MACF1: variants seen among roughly 807,000 people sequenced by gnomAD.
MACF1 encodes microtubule actin crosslinking factor 1.
In MACF1, 193 loss-of-function variants were observed where a neutral mutation model predicts 854.8. The observed-to-expected ratio is 0.23, with a 90% CI of 0.20 to 0.25. MACF1 has a LOEUF of 0.25. MACF1 is among the 10% of genes least tolerant of loss of function. The probability of loss-of-function intolerance (pLI) is 1.00; values close to 1 mark genes in which losing one functional copy is unlikely to be tolerated. For synonymous variants in MACF1, 3,185 were observed against 3,226.7 expected (o/e 0.99, Z 0.44); for missense variants, 7,722 against 8,929.1 (o/e 0.86, Z 5.45).
intron 58 of MACF1, among the ~76,000 whole-genome samples, chr1:39,405,528 G>A (rs1642663187): frequency 4.6e-5 from 7 of 152,200 alleles, no homozygotes; most frequent in Middle Eastern, 3.2e-3. Flanking sequence ...AGCAGACAAG[G>A]GCAGGATGCC....
chr1:39,459,184 C>G lies in MACF1; in HGVS notation c.21295C>G (p.Gln7099Glu), dbSNP rs1318868573. The G allele has an allele frequency of 6.2e-7, 1 of 1,614,162 alleles. No individual in the cohort carries two copies. The highest frequency in any genetic ancestry group is 2.2e-5 in the East Asian group (1 of 44,880). ...CAACCAGCTTTCTGCCCGCTGGCAGCAGGTGTGGCTGTTAGCACTGGAGCG... is the reference window on the plus strand; with the variant it reads ...CAACCAGCTTTCTGCCCGCTGGCAGGAGGTGTGGCTGTTAGCACTGGAGCG... ...RINQLSARWQ[Q>E]VWLLALERQR... The change falls in exon 91 of 101, where the codon CAG (glutamine) becomes GAG (glutamate). Residue 7099 changes from glutamine to glutamate, a missense_variant. Gln to Glu is a conservative substitution (Grantham distance 29). Transcript: ENST00000564288.
intron 26 of MACF1, among the ~76,000 whole-genome samples, chr1:39,313,594 ATTAT>A (rs986342461): frequency 7.2e-6 from 1 of 138,142 alleles, no homozygotes; most frequent in Non-Finnish European, 1.6e-5. Context: ...TTCTTCTTTC[ATTAT>A]TTATTTATGT....
intron 2 of MACF1, among the ~76,000 whole-genome samples, chr1:39,111,941 A>G (rs1190182320): frequency 1.3e-5 from 2 of 152,020 alleles, no homozygotes; most frequent in East Asian, 3.9e-4. Flanking sequence ...TGCACACCCA[A>G]CTATACCATC....
At chr1:39,472,633 T>C (rs932032023) in intron 97 of MACF1, among the ~76,000 whole-genome samples, 7 of 152,228 alleles carry the variant, frequency 4.6e-5, no homozygotes, top group Admixed American at 2.0e-4. Context: ...AATGCAAATA[T>C]CCATGGGAGT....
intron 2 of MACF1, chr1:39,154,078 G>A (rs1177423469): frequency 2.0e-5 from 3 of 152,202 alleles, no homozygotes; most frequent in Non-Finnish European, 4.4e-5. Flanking sequence ...TTTATATGAG[G>A]AGAGTTACCT....
intron 84 of MACF1, 106 bp from the exon 85 acceptor site, chr1:39,450,946 A>T: frequency 8.0e-7 from 1 of 1,243,600 alleles, no homozygotes; most frequent in East Asian, 2.4e-5. Flanking sequence ...CATAGAAGTC[A>T]CTCTCTATAT....
rs1238478449 is a variant in MACF1 at position 39,460,306 on chromosome 1, G to T, written c.21361-326G>T. Among the ~76,000 whole-genome samples, 1 of 152,154 alleles carries T rather than the reference G, an allele frequency of 6.6e-6. No homozygotes were observed. The highest frequency in any genetic ancestry group is 1.5e-5 in the Non-Finnish European group (1 of 68,022). ...CTTCTGGGTTAGAATCCATTTCCTT[G>T]CATCTAAGAGAGTGATCCTTTGAAA... is the stretch of plus-strand genomic sequence containing the variant. On this transcript the variant is annotated intron_variant, in intron 91 of 100. Transcript: ENST00000564288. This position sits in a 1 kb window ranked among gnomAD's most constrained non-coding sequence, Gnocchi z 4.1.
At chr1:39,263,491 A>T (rs1433289302) in intron 6 of MACF1, among the ~76,000 whole-genome samples, 1 of 152,194 alleles carries the variant, frequency 6.6e-6, no homozygotes, top group Non-Finnish European at 1.5e-5. Flanking sequence ...TGCCTTCAGA[A>T]TTTAACAGGT....
intron 6 of MACF1, among the ~76,000 whole-genome samples, chr1:39,259,463 T>C (rs1346776922): frequency 1.3e-5 from 2 of 152,150 alleles, no homozygotes; most frequent in African/African-American, 4.8e-5. Context: ...AGTTTCACCA[T>C]GTTGGCCAGG....
At chr1:39,294,282 T>A (rs1420611130) in intron 18 of MACF1, among the ~76,000 whole-genome samples, 5 of 152,238 alleles carry the variant, frequency 3.3e-5, no homozygotes, top group Non-Finnish European at 7.3e-5. Flanking sequence ...ATGAAAGATG[T>A]AGACAAGTTA....
intron 58 of MACF1, chr1:39,412,153 A>G (rs1237336100): frequency 5.6e-6 from 9 of 1,613,904 alleles, no homozygotes; most frequent in South Asian, 2.2e-5. Context: ...AGACAATGGC[A>G]GTTTGTCCCA....
intron 2 of MACF1, among the ~76,000 whole-genome samples, chr1:39,127,314 A>G (rs1362876039): frequency 1.3e-5 from 2 of 152,214 alleles, no homozygotes; most frequent in South Asian, 2.1e-4. Flanking sequence ...CCTGGTGTGT[A>G]GCGTTGGTGG....
chr1:39,441,500 A>G (rs1644116590), intron 74 of MACF1, among the ~76,000 whole-genome samples, 175 bp downstream of exon 74: 1 of 152,236 alleles, frequency 6.6e-6, no homozygotes, highest in Non-Finnish European at 1.5e-5. Context: ...AAGTAGCGAC[A>G]TCTGTCTGAA....
At chr1:39,482,804 A>C (rs1311767713) in intron 99 of MACF1, among the ~76,000 whole-genome samples, 4 of 147,888 alleles carry the variant, frequency 2.7e-5, no homozygotes, top group South Asian at 4.3e-4. Context: ...AAAAAAAAAA[A>C]AAAAAAAAAA....
rs1303962927 is a variant in MACF1 at position 39,337,278 on chromosome 1, C to G, written c.10162C>G (p.Gln3388Glu). The change falls in exon 38 of 101, where the codon CAA (glutamine) becomes GAA (glutamate). Residue 3388 changes from glutamine (Q) to glutamate (E), a missense_variant. Coordinates refer to ENST00000564288, the MANE Select transcript of MACF1 (RefSeq NM_001394062.1). ...RNIEMRTKQIQPLELNLAELQ... is the reference protein window; with the variant it reads ...RNIEMRTKQIEPLELNLAELQ... ...CATTGAAATGAGGACCAAACAGATT[C>G]AACCTTTGGAGCTAAACCTGGCAGA... 2.1e-5 allele frequency: 34 copies of G among 1,614,138 alleles called. No homozygotes were observed. Among genetic ancestry groups the G allele is most frequent in the Non-Finnish European group, 2.8e-5 (33 of 1,179,998 alleles).
chr1:39,463,689 A>G lies in MACF1; in HGVS notation c.21753+3A>G, dbSNP rs778970849. Reference sequence around the variant, plus strand: ...AGATCGGAGAGAATAAATACCGGGTAAGGAAGAGAAAAAGCAGTCCTTTGT... The same window carrying G: ...AGATCGGAGAGAATAAATACCGGGTGAGGAAGAGAAAAAGCAGTCCTTTGT... On this transcript the variant is annotated splice_donor_region_variant and intron_variant, in intron 94 of 100. Coordinates refer to ENST00000564288, the MANE Select transcript of MACF1 (RefSeq NM_001394062.1). 1 of 1,611,618 alleles carries G rather than the reference A, an allele frequency of 6.2e-7. No individual in the cohort carries two copies. The highest frequency in any genetic ancestry group is 8.5e-7 in the Non-Finnish European group (1 of 1,178,180).
intron 37 of MACF1, 134 bp from the exon 38 acceptor site, chr1:39,337,048 A>C (rs1350882701): frequency 1.3e-6 from 1 of 768,206 alleles, no homozygotes; most frequent in African/African-American, 1.8e-5. Context: ...TGACTTAAAC[A>C]AAGTGTTTTA....
chr1:39,387,145 G>C (rs1237167018), intron 57 of MACF1, 42 bp from the exon 58 acceptor site: 26 of 1,585,546 alleles, frequency 1.6e-5, no homozygotes, highest in Non-Finnish European at 2.2e-5. Flanking sequence ...TAAATGCCAG[G>C]GTTCAGGCTT....
chr1:39,414,778 T>A (rs1643223727), intron 58 of MACF1, among the ~76,000 whole-genome samples: 1 of 152,204 alleles, frequency 6.6e-6, no homozygotes, highest in Non-Finnish European at 1.5e-5. Flanking sequence ...AAAGGGTCAT[T>A]CTGTTTTTGA....
Sources: gnomAD v4.1 joint callset for allele counts (sites outside exome capture counted in the v4.1 genomes callset) on GRCh38, gnomAD v4.1.1 for gene constraint, Gnocchi (gnomAD v3.1) non-coding constraint, MANE v1.5 for transcripts, NCBI Gene and HGNC (gene_info 2026-07-23, HGNC 2026-07-21) for gene names.